LRP1B: variants seen among roughly 807,000 people sequenced by gnomAD.
The protein encoded by LRP1B is LDL receptor related protein 1B, also known as low-density lipoprotein receptor-related protein 1B.
Under a neutral mutation model 556.6 loss-of-function variants are expected in LRP1B, and 217 were observed. The ratio of observed to expected loss-of-function variants is 0.39; its 90% CI spans 0.35 to 0.44. LRP1B has a LOEUF of 0.44. LRP1B is among the 20% of genes least tolerant of loss of function. The pLI is 1.00. For synonymous variants in LRP1B, 2,047 were observed against 1,865.8 expected, an observed-to-expected ratio of 1.10 and a Z score of -2.50; for missense variants, 5,053 against 5,620.8, an observed-to-expected ratio of 0.90 and a Z score of 3.23.
intron 49 of LRP1B, among the ~76,000 whole-genome samples, chr2:140,518,200 G>T (rs1294776914): frequency 6.6e-6 from 1 of 152,018 alleles, no homozygotes; most frequent in Non-Finnish European, 1.5e-5. Context: ...TGTTGACTTT[G>T]TAGATGTAAT....
intron 47 of LRP1B, among the ~76,000 whole-genome samples, chr2:140,531,415 A>G (rs1690686631): frequency 6.6e-6 from 1 of 152,004 alleles, no homozygotes. Flanking sequence ...AAAATCTTTT[A>G]TGGGTACTAG....
chr2:141,241,075 C>T (rs1479090585), intron 5 of LRP1B, among the ~76,000 whole-genome samples: 2 of 151,900 alleles, frequency 1.3e-5, no homozygotes, highest in Non-Finnish European at 2.9e-5. Context: ...AGATTTTGTA[C>T]CCCAGCACTG....
Position 141,999,164 on chromosome 2 carries a change from A to C in LRP1B, c.82+131484T>G, listed in dbSNP as rs187169482. Among the ~76,000 whole-genome samples, 297 of 152,164 alleles carry C rather than the reference A, an allele frequency of 2.0e-3. 1 individual carries two copies. Among genetic ancestry groups the C allele is most frequent in the Non-Finnish European group, 3.2e-3 (219 of 68,012 alleles). ...AAAAATCTGCTTCATCAGTCTTTAG[A>C]TCTCCGTTTTAATCTAAATTCTGGT... On this transcript the variant is annotated intron_variant, in intron 1 of 90. Coordinates refer to ENST00000389484, the MANE Select transcript of LRP1B (RefSeq NM_018557.3).
intron 33 of LRP1B, among the ~76,000 whole-genome samples, chr2:140,771,454 G>T (rs1689308528): frequency 6.6e-6 from 1 of 152,134 alleles, no homozygotes; most frequent in Non-Finnish European, 1.5e-5. Flanking sequence ...TAAAAGAAAG[G>T]AGGTATGTAT....
At chr2:140,274,747 T>C in intron 84 of LRP1B, 149 bp from the exon 85 acceptor site, 227 of 571,156 alleles carry the variant, frequency 4.0e-4, no homozygotes, top group Non-Finnish European at 5.9e-4. Context: ...TGAAGTAGAA[T>C]TCTTTAATAA....
At chr2:140,716,187 T>A in intron 36 of LRP1B, 85 bp from the exon 37 acceptor site, 2 of 959,762 alleles carry the variant, frequency 2.1e-6, no homozygotes. Flanking sequence ...TTCTGAGCAT[T>A]CACATAACTA....
intron 35 of LRP1B, among the ~76,000 whole-genome samples, chr2:140,768,525 A>T (rs1689193699): frequency 6.6e-6 from 1 of 151,964 alleles, no homozygotes; most frequent in Non-Finnish European, 1.5e-5. Context: ...TGTGAATACC[A>T]AATATTTATG....
intron 2 of LRP1B, among the ~76,000 whole-genome samples, chr2:141,679,156 A>C (rs540905995): frequency 2.0e-5 from 3 of 152,234 alleles, no homozygotes; most frequent in African/African-American, 7.2e-5. Context: ...TATAACAGGC[A>C]TTAGAGACTG....
At chr2:140,425,347 G>T (rs1304795005) in intron 66 of LRP1B, among the ~76,000 whole-genome samples, 1 of 151,994 alleles carries the variant, frequency 6.6e-6, no homozygotes, top group Non-Finnish European at 1.5e-5. Context: ...TTGAGTAATG[G>T]TTGGGTGTGA....
At chr2:141,858,650 CAATAAG>C (rs66949333) in intron 1 of LRP1B, among the ~76,000 whole-genome samples, 27,091 of 151,688 alleles carry the variant, frequency 0.18, 2,869 homozygotes, top group East Asian at 0.32. Flanking sequence ...TTCTGTTTAA[CAATAAG>C]AATAAGAACA....
At chr2:140,806,582 A>G (rs1350555008) in intron 32 of LRP1B, among the ~76,000 whole-genome samples, 1 of 152,164 alleles carries the variant, frequency 6.6e-6, no homozygotes, top group Non-Finnish European at 1.5e-5. Flanking sequence ...CTTGACCTTG[A>G]CAAATTACTA....
At position 141,972,780 on chromosome 2, in the gene LRP1B, TAC is replaced by T. The variant is rs1229787219; in HGVS notation, c.82+157866_82+157867del. Among the ~76,000 whole-genome samples the T allele has an allele frequency of 3.3e-5, 5 of 151,644 alleles. No individual in the cohort carries two copies. The South Asian group carries it at 1.0e-3, about 31-fold the overall frequency. Reference sequence around the variant, plus strand: ...TCCTAGTGATGCCCACTTTTAGTATTACAGTTTATAAAATTTAGTTCTCAAAT... The same window carrying T: ...TCCTAGTGATGCCCACTTTTAGTATTAGTTTATAAAATTTAGTTCTCAAAT... On this transcript the variant is annotated intron_variant, in intron 1 of 90. Transcript: ENST00000389484.
At chr2:140,895,213 T>G (rs1250287771) in intron 23 of LRP1B, among the ~76,000 whole-genome samples, 1 of 151,680 alleles carries the variant, frequency 6.6e-6, no homozygotes, top group African/African-American at 2.4e-5. Flanking sequence ...AAATAGAGAA[T>G]AAGAACAAAA....
At chr2:140,263,706 T>C (rs1016627154) in intron 86 of LRP1B, among the ~76,000 whole-genome samples, 10 of 152,078 alleles carry the variant, frequency 6.6e-5, no homozygotes, top group African/African-American at 2.4e-4. Flanking sequence ...ACCTTTCCTC[T>C]AGTTTCCAAA....
chr2:141,185,697 C>A (rs11904049), intron 7 of LRP1B, among the ~76,000 whole-genome samples: 7,532 of 76,270 alleles, frequency 0.099, 804 homozygotes, highest in African/African-American at 0.29. Flanking sequence ...CAAAAAAAAA[C>A]AAAAAAAAAA....
chr2:140,321,339 GA>G (rs936077160), intron 82 of LRP1B, among the ~76,000 whole-genome samples: 1 of 151,018 alleles, frequency 6.6e-6, no homozygotes, highest in Non-Finnish European at 1.5e-5. Flanking sequence ...CTGCATGAAT[GA>G]AAAAAATCTT....
chr2:141,873,658 G>T (rs1244370358), intron 1 of LRP1B, among the ~76,000 whole-genome samples: 1 of 151,904 alleles, frequency 6.6e-6, no homozygotes, highest in Non-Finnish European at 1.5e-5. Context: ...CCTGTGTATT[G>T]CCTTTTAAAA....
chr2:141,333,525 C>T (rs1238256931), intron 3 of LRP1B, among the ~76,000 whole-genome samples: 1 of 152,064 alleles, frequency 6.6e-6, no homozygotes, highest in Non-Finnish European at 1.5e-5. Context: ...TGTCCAAGTC[C>T]TGATAACAGT....
chr2:140,574,627 A>G (rs984327053), intron 43 of LRP1B, among the ~76,000 whole-genome samples: 2 of 152,182 alleles, frequency 1.3e-5, no homozygotes, highest in Non-Finnish European at 2.9e-5. Context: ...AAGCATTACA[A>G]TTTGGCAGCT....
Sources: allele counts gnomAD v4.1 joint callset (sites outside exome capture counted in the v4.1 genomes callset), GRCh38; gene constraint gnomAD v4.1.1; transcripts MANE v1.5; gene names NCBI Gene and HGNC (gene_info 2026-07-23, HGNC 2026-07-21).